Variants in SLX4IP observed in about 807,000 individuals in gnomAD.
The protein encoded by SLX4IP is SLX4 interacting protein, also known as protein SLX4IP.
A neutral mutation model predicts 32.9 loss-of-function variants in SLX4IP; 34 were observed. That is an observed-to-expected ratio of 1.03 (90% CI 0.79 to 1.38). The LOEUF is 1.38. SLX4IP is among the 40% of genes most tolerant of loss of function. The probability of loss-of-function intolerance (pLI) is 0.00; values close to 1 mark genes in which losing one functional copy is unlikely to be tolerated. For missense variants in SLX4IP, 444 were observed against 479.0 expected (o/e 0.93, Z 0.68); for synonymous variants, 172 against 171.7 (o/e 1.00, Z -0.01).
intron 4 of SLX4IP, among the ~76,000 whole-genome samples, chr20:10,595,009 T>G (rs894027653): frequency 1.3e-5 from 2 of 152,068 alleles, no homozygotes; most frequent in African/African-American, 4.8e-5. Flanking sequence ...TTGGAGGTTG[T>G]TTGTAGAAGG....
intron 2 of SLX4IP, among the ~76,000 whole-genome samples, chr20:10,525,344 A>G (rs950896075): frequency 1.3e-5 from 2 of 152,118 alleles, no homozygotes; most frequent in Non-Finnish European, 2.9e-5. Flanking sequence ...TTGATGTTAT[A>G]TATTGACCTT....
At chr20:10,457,677 C>G (rs894452203) in intron 1 of SLX4IP, among the ~76,000 whole-genome samples, 1 of 151,870 alleles carries the variant, frequency 6.6e-6, no homozygotes, top group African/African-American at 2.4e-5. Context: ...TGTGATGTCT[C>G]TCTCTGGTAT....
At chr20:10,594,902 AT>A (rs1267917059) in intron 4 of SLX4IP, among the ~76,000 whole-genome samples, 2 of 151,950 alleles carry the variant, frequency 1.3e-5, no homozygotes, top group South Asian at 4.2e-4. Flanking sequence ...CCACCTCTCC[AT>A]TTTTTTTAAA....
chr20:10,602,744 C>A (rs1213573244), intron 6 of SLX4IP, among the ~76,000 whole-genome samples: 1 of 151,958 alleles, frequency 6.6e-6, no homozygotes, highest in African/African-American at 2.4e-5. Flanking sequence ...TTTTTTAATC[C>A]GTATGAAATC....
At chr20:10,615,851 A>T (rs1331689800) in intron 6 of SLX4IP, among the ~76,000 whole-genome samples, 4 of 152,154 alleles carry the variant, frequency 2.6e-5, no homozygotes, top group African/African-American at 7.2e-5. Context: ...GTCCCCACAA[A>T]GTGGAAGGAC....
chr20:10,546,129 A>T (rs2066159979), intron 2 of SLX4IP, among the ~76,000 whole-genome samples: 1 of 152,182 alleles, frequency 6.6e-6, no homozygotes. Flanking sequence ...CAGATTATAG[A>T]TGCCATAATT....
intron 2 of SLX4IP, among the ~76,000 whole-genome samples, chr20:10,548,429 C>T (rs969022970): frequency 1.3e-5 from 2 of 152,090 alleles, no homozygotes; most frequent in Non-Finnish European, 2.9e-5. Context: ...TTAGTAGAGA[C>T]GGGGTTTCAC....
chr20:10,438,272 T>A (rs2065131766), intron 1 of SLX4IP, among the ~76,000 whole-genome samples: 1 of 151,890 alleles, frequency 6.6e-6, no homozygotes, highest in Non-Finnish European at 1.5e-5. Flanking sequence ...ATAACTGTTA[T>A]ACAGTTAATG....
intron 2 of SLX4IP, among the ~76,000 whole-genome samples, chr20:10,497,040 G>C (rs1761781645): frequency 6.6e-6 from 1 of 152,138 alleles, no homozygotes; most frequent in Admixed American, 6.6e-5. Context: ...GTATCTATGT[G>C]TGTGTGTTTC....
chr20:10,484,287 C>T (rs1030591220), intron 2 of SLX4IP, among the ~76,000 whole-genome samples: 1 of 152,048 alleles, frequency 6.6e-6, no homozygotes, highest in African/African-American at 2.4e-5. Flanking sequence ...CTAGTAGAGT[C>T]AGATCTTGAT....
chr20:10,517,017 G>T (rs1661109163), intron 2 of SLX4IP, among the ~76,000 whole-genome samples: 1 of 152,140 alleles, frequency 6.6e-6, no homozygotes, highest in South Asian at 2.1e-4. Flanking sequence ...AAAACCTGCT[G>T]GACTAATGTA....
intron 2 of SLX4IP, among the ~76,000 whole-genome samples, chr20:10,512,184 G>A (rs990876237): frequency 6.6e-6 from 1 of 152,174 alleles, no homozygotes; most frequent in African/African-American, 2.4e-5. Flanking sequence ...GCATGGCTGT[G>A]TTCTAGTAAA....
chr20:10,549,531 A>C (rs2066198066), intron 2 of SLX4IP, among the ~76,000 whole-genome samples: 1 of 152,162 alleles, frequency 6.6e-6, no homozygotes, highest in Non-Finnish European at 1.5e-5. Flanking sequence ...CTCCCAAATA[A>C]AGGGGAGTGG....
At chr20:10,546,664 T>C (rs2066165738) in intron 2 of SLX4IP, among the ~76,000 whole-genome samples, 1 of 152,214 alleles carries the variant, frequency 6.6e-6, no homozygotes, top group African/African-American at 2.4e-5. Flanking sequence ...GTAGTTTTCA[T>C]TGCTATCTCC....
chr20:10,546,499 T>C (rs1474425539), intron 2 of SLX4IP, among the ~76,000 whole-genome samples: 3 of 152,190 alleles, frequency 2.0e-5, no homozygotes, highest in East Asian at 3.8e-4. Flanking sequence ...CAGAATTCAT[T>C]TGAAAGTCTT....
chr20:10,510,585 A>G (rs2065797963), intron 2 of SLX4IP, among the ~76,000 whole-genome samples: 2 of 147,296 alleles, frequency 1.4e-5, no homozygotes, highest in Admixed American at 6.9e-5. Context: ...TGTTGTTATT[A>G]TTATTATTAT....
chr20:10,590,628 TA>T (rs2066698598), intron 4 of SLX4IP, among the ~76,000 whole-genome samples: 1 of 152,172 alleles, frequency 6.6e-6, no homozygotes, highest in South Asian at 2.1e-4. Flanking sequence ...CTCAAAGTGC[TA>T]GAATTACAGG....
intron 2 of SLX4IP, among the ~76,000 whole-genome samples, chr20:10,517,189 A>G (rs1217548651): frequency 2.0e-5 from 3 of 152,236 alleles, no homozygotes; most frequent in Admixed American, 2.0e-4. Context: ...CATAGGTACC[A>G]TACCAGAAAG....
chr20:10,616,851 G>T (rs1470672513), intron 6 of SLX4IP, among the ~76,000 whole-genome samples: 1 of 152,108 alleles, frequency 6.6e-6, no homozygotes, highest in Non-Finnish European at 1.5e-5. Flanking sequence ...TTTGTTTGTT[G>T]TCTTCTCCAT....
Sources: allele counts gnomAD v4.1 joint callset (sites outside exome capture counted in the v4.1 genomes callset), GRCh38; gene constraint gnomAD v4.1.1; transcripts MANE v1.5; gene names NCBI Gene and HGNC (gene_info 2026-07-23, HGNC 2026-07-21).